ARFGEF3: variants seen among roughly 807,000 people sequenced by gnomAD.
The protein encoded by ARFGEF3 is brefeldin A-inhibited guanine nucleotide-exchange protein 3.
ARFGEF3 carries 96 observed loss-of-function variants against 221.7 expected under a neutral mutation model. The ratio of observed to expected loss-of-function variants is 0.43; its 90% CI spans 0.37 to 0.51. The LOEUF (loss-of-function observed/expected upper bound fraction) is 0.51. Ranked by LOEUF, ARFGEF3 falls within the 20% of genes least tolerant of loss-of-function variation. ARFGEF3 has a pLI of 0.00. For synonymous variants in ARFGEF3, 1,145 were observed against 1,126.8 expected (o/e 1.02, Z -0.32); for missense variants, 2,410 against 2,789.9 (o/e 0.86, Z 3.07).
chr6:138,264,989 C>T (rs977934801), intron 12 of ARFGEF3, among the ~76,000 whole-genome samples: 44 of 151,402 alleles, frequency 2.9e-4, no homozygotes, highest in Admixed American at 1.4e-3. Context: ...CTGCAAGCTC[C>T]GCCTCCCGGG....
At chr6:138,267,995 G>C (rs1349423249) in intron 12 of ARFGEF3, among the ~76,000 whole-genome samples, 1 of 152,116 alleles carries the variant, frequency 6.6e-6, no homozygotes, top group Non-Finnish European at 1.5e-5. Flanking sequence ...CCAAATTACA[G>C]ACCCATCACT....
rs758460913 is a variant in ARFGEF3 at position 138,263,413 on chromosome 6, C to A, written c.1930C>A (p.Pro644Thr). 7 of 1,614,004 alleles carry A rather than the reference C, an allele frequency of 4.3e-6. No individual in the cohort carries two copies. Among genetic ancestry groups the A allele is most frequent in the Non-Finnish European group, 5.9e-6 (7 of 1,179,898 alleles). The change falls in exon 12 of 34, where the codon CCC becomes ACC. Residue 644 changes from proline to threonine, a missense_variant. Coordinates refer to ENST00000251691, the MANE Select transcript of ARFGEF3 (RefSeq NM_020340.5). ...NCSLADEEQT[P>T]RDCLGHRSLR... ...TTCACTAGCCGATGAAGAGCAGACA[C>A]CCCGGGACTGCCTAGGCCACCGGTC... is the stretch of plus-strand genomic sequence containing the variant.
At chr6:138,195,158 A>G (rs1437483549) in intron 2 of ARFGEF3, among the ~76,000 whole-genome samples, 3 of 151,502 alleles carry the variant, frequency 2.0e-5, no homozygotes, top group Admixed American at 6.6e-5. Context: ...GCACACCACC[A>G]CATGCAGCCA....
intron 1 of ARFGEF3, among the ~76,000 whole-genome samples, chr6:138,163,124 A>G (rs142396266): frequency 8.7e-4 from 132 of 152,356 alleles, no homozygotes; most frequent in African/African-American, 3.0e-3. Context: ...AGCCTGAGAT[A>G]GAGAAGAGCC....
intron 12 of ARFGEF3, among the ~76,000 whole-genome samples, chr6:138,270,029 T>C (rs203146): frequency 0.33 from 50,101 of 151,608 alleles, 8,580 homozygotes; most frequent in South Asian, 0.49. Flanking sequence ...GCTTCTCATC[T>C]ATAGTCTGAG....
At chr6:138,207,019 G>A in intron 2 of ARFGEF3, 23 bp from the exon 3 acceptor site, 1 of 1,589,502 alleles carries the variant, frequency 6.3e-7, no homozygotes, top group Non-Finnish European at 8.6e-7. Context: ...CTCACATGTT[G>A]TCCTTATTTT....
In ARFGEF3 at chr6:138,291,876, A is replaced by T; in HGVS notation, c.3191A>T (p.Glu1064Val). 1.3e-6 allele frequency: 2 copies of T among 1,497,970 alleles called. No individual in the cohort carries two copies. The highest frequency in any genetic ancestry group is 2.6e-5 in the South Asian group (2 of 78,200). 92.8% of individuals were successfully genotyped at this position (1,497,970 alleles called of 1,614,324 possible). A position where few individuals can be genotyped will look rare whatever the true frequency, so the allele number is the denominator to read the frequency against. ...CCCGAGTGTGAGGGCTCGCCCCCCG[A>T]GCACAGCCCGGAGCAGGGGCGCTCC... ...GDPECEGSPPEHSPEQGRSLS... is the reference protein window; with the variant it reads ...GDPECEGSPPVHSPEQGRSLS... Residue 1064 changes from glutamate to valine, a missense_variant, in exon 19 of 34, where the codon GAG becomes GTG. By Grantham distance (121) the Glu-to-Val change is moderately radical. Coordinates refer to ENST00000251691, the MANE Select transcript of ARFGEF3 (RefSeq NM_020340.5). This position sits in a 1 kb window ranked among gnomAD's most constrained non-coding sequence, Gnocchi z 4.5.
At chr6:138,303,330 A>G (rs1251860070) in intron 22 of ARFGEF3, among the ~76,000 whole-genome samples, 6 of 152,346 alleles carry the variant, frequency 3.9e-5, no homozygotes, top group Admixed American at 3.3e-4. Flanking sequence ...ACAGAGGAAC[A>G]AAAAGGATGT....
At chr6:138,258,363 A>C (rs1778723734) in intron 10 of ARFGEF3, among the ~76,000 whole-genome samples, 1 of 152,194 alleles carries the variant, frequency 6.6e-6, no homozygotes, top group African/African-American at 2.4e-5. Context: ...CTCCCTTAAG[A>C]AGATAATATT....
At chr6:138,331,586 T>C (rs149201856) in intron 32 of ARFGEF3, among the ~76,000 whole-genome samples, 4 of 152,344 alleles carry the variant, frequency 2.6e-5, no homozygotes, top group African/African-American at 9.6e-5. Context: ...ATCCACATAA[T>C]CTTAATTAGC....
chr6:138,216,915 C>T (rs1480225142), intron 4 of ARFGEF3: 1 of 152,238 alleles, frequency 6.6e-6, no homozygotes, highest in Non-Finnish European at 1.5e-5. Flanking sequence ...ACAGCCTTCC[C>T]TCTTCCTGCT....
chr6:138,223,177 G>A (rs970472544), intron 4 of ARFGEF3, among the ~76,000 whole-genome samples: 1 of 152,182 alleles, frequency 6.6e-6, no homozygotes, highest in Non-Finnish European at 1.5e-5. Context: ...CCCCATAGAA[G>A]GGCATTTGGT....
intron 2 of ARFGEF3, among the ~76,000 whole-genome samples, chr6:138,183,895 T>C (rs1032939547): frequency 6.6e-6 from 1 of 152,184 alleles, no homozygotes; most frequent in East Asian, 1.9e-4. Context: ...CAACCTCCCC[T>C]GTGAGTGCTC....
chr6:138,310,091 G>C (rs1317601219), intron 24 of ARFGEF3, among the ~76,000 whole-genome samples: 1 of 152,096 alleles, frequency 6.6e-6, no homozygotes, highest in African/African-American at 2.4e-5. Context: ...TATTTGTTTG[G>C]GGCCTGGGAT....
chr6:138,285,218 C>T (rs560520118), intron 14 of ARFGEF3, among the ~76,000 whole-genome samples: 2 of 151,916 alleles, frequency 1.3e-5, no homozygotes, highest in African/African-American at 4.8e-5. Context: ...AATCCCAGCA[C>T]TTTGGGAGGC....
At chr6:138,203,803 G>C (rs1325596273) in intron 2 of ARFGEF3, among the ~76,000 whole-genome samples, 3 of 152,030 alleles carry the variant, frequency 2.0e-5, no homozygotes, top group African/African-American at 7.2e-5. Flanking sequence ...ACCATGCCCA[G>C]CTGATTTTTT....
intron 21 of ARFGEF3, among the ~76,000 whole-genome samples, chr6:138,298,291 G>A (rs1779558455): frequency 6.6e-6 from 1 of 152,182 alleles, no homozygotes; most frequent in South Asian, 2.1e-4. Context: ...CCTAGACTGG[G>A]TTCTGGTGTC....
chr6:138,273,053 A>G (rs1583043021), intron 12 of ARFGEF3, among the ~76,000 whole-genome samples: 1 of 152,346 alleles, frequency 6.6e-6, no homozygotes, highest in African/African-American at 2.4e-5. Flanking sequence ...AAACAGACCC[A>G]GAAGTGTCAA....
intron 20 of ARFGEF3, 90 bp from the exon 21 acceptor site, chr6:138,296,720 C>A: frequency 6.7e-7 from 1 of 1,483,576 alleles, no homozygotes; most frequent in South Asian, 1.3e-5. Flanking sequence ...ACTGGTCCTA[C>A]CTAGATTTTC....
Sources: allele counts gnomAD v4.1 joint callset (sites outside exome capture counted in the v4.1 genomes callset), GRCh38; gene constraint gnomAD v4.1.1; non-coding constraint Gnocchi (gnomAD v3.1); transcripts MANE v1.5; gene names NCBI Gene and HGNC (gene_info 2026-07-23, HGNC 2026-07-21).